Variants in KCNH8 observed in about 807,000 individuals in gnomAD.
KCNH8 encodes the protein potassium voltage-gated channel subfamily H member 8.
KCNH8 carries 70 observed loss-of-function variants against 103.6 expected under a neutral mutation model. The ratio of observed to expected loss-of-function variants is 0.68; its 90% confidence interval spans 0.56 to 0.82. The LOEUF (loss-of-function observed/expected upper bound fraction) is 0.82. Among genes scored for constraint, KCNH8 ranks in the 40% least tolerant of loss-of-function variants. The pLI, the probability that KCNH8 is intolerant of heterozygous loss-of-function variation, is 0.00. For missense variants in KCNH8, 1,217 were observed against 1,329.9 expected, an observed-to-expected ratio of 0.92 and a Z score of 1.32; for synonymous variants, 498 against 489.4, an observed-to-expected ratio of 1.02 and a Z score of -0.23.
intron 1 of KCNH8, among the ~76,000 whole-genome samples, chr3:19,183,735 G>T (rs901039980): frequency 2.6e-5 from 4 of 152,044 alleles, no homozygotes; most frequent in African/African-American, 9.7e-5. Context: ...ACAAAATAAG[G>T]CATACAGAAT....
intron 7 of KCNH8, among the ~76,000 whole-genome samples, chr3:19,426,749 A>G (rs1001404181): frequency 3.3e-5 from 5 of 152,184 alleles, no homozygotes; most frequent in Non-Finnish European, 7.4e-5. Flanking sequence ...CTTCTTAGCA[A>G]TCAGCCACTT....
chr3:19,401,921 C>T (rs371979694), intron 7 of KCNH8, among the ~76,000 whole-genome samples: 54 of 151,746 alleles, frequency 3.6e-4, no homozygotes, highest in Admixed American at 9.2e-4. Context: ...CAAGTTGCCA[C>T]GGTTGCTTAA....
intron 1 of KCNH8, among the ~76,000 whole-genome samples, chr3:19,207,212 T>TA (rs1006045108): frequency 4.0e-5 from 6 of 151,804 alleles, no homozygotes; most frequent in Admixed American, 2.6e-4. Flanking sequence ...GCATCAGGGG[T>TA]AAAAAAAGAG....
intron 1 of KCNH8, among the ~76,000 whole-genome samples, chr3:19,155,146 A>G (rs941070316): frequency 6.6e-6 from 1 of 152,208 alleles, no homozygotes; most frequent in South Asian, 2.1e-4. Context: ...CCCCAAATGA[A>G]CTAATAATCT....
intron 3 of KCNH8, among the ~76,000 whole-genome samples, chr3:19,293,424 A>G (rs956965546): frequency 4.6e-5 from 7 of 152,190 alleles, no homozygotes; most frequent in African/African-American, 1.7e-4. Flanking sequence ...AATCCTTACT[A>G]TTCAAAGTGT....
At chr3:19,355,731 C>T (rs7622593) in intron 5 of KCNH8, among the ~76,000 whole-genome samples, 5,947 of 151,800 alleles carry the variant, frequency 0.039, 151 homozygotes, top group East Asian at 0.11. Context: ...CAGGGCCTGT[C>T]GTGCAGTGGG....
At chr3:19,299,434 G>A (rs1010987297) in intron 3 of KCNH8, among the ~76,000 whole-genome samples, 8 of 151,958 alleles carry the variant, frequency 5.3e-5, no homozygotes, top group Non-Finnish European at 7.4e-5. Context: ...GTTCGAGTAC[G>A]GATTGGGCAA....
chr3:19,513,383 T>C lies in KCNH8; in HGVS notation c.2435+58T>C, dbSNP rs528622143. On this transcript the variant is annotated intron_variant, in intron 13 of 15. Coordinates refer to ENST00000328405, the MANE Select transcript of KCNH8 (RefSeq NM_144633.3). ...GAACGTGGCTGCCTTTTATACAGAGTAGTACCTGCCTTCAGCCTTCTGAGC... is the reference window on the plus strand; with the variant it reads ...GAACGTGGCTGCCTTTTATACAGAGCAGTACCTGCCTTCAGCCTTCTGAGC... 1.7e-4 allele frequency: 258 copies of C among 1,520,228 alleles called. No individual in the cohort carries two copies. The African/African-American group carries it at 2.5e-3, about 15-fold the overall frequency. The allele number at this position is 1,520,228 out of a possible 1,614,324, so 94.2% of individuals were successfully genotyped here. A position where few individuals can be genotyped will look rare whatever the true frequency, so the allele number is the denominator to read the frequency against.
chr3:19,398,044 T>A (rs1423288433), intron 7 of KCNH8, among the ~76,000 whole-genome samples: 1 of 151,960 alleles, frequency 6.6e-6, no homozygotes, highest in African/African-American at 2.4e-5. Context: ...AAATATTTGA[T>A]GAGAGAGCAT....
At chr3:19,341,982 G>A (rs1355074975) in intron 3 of KCNH8, among the ~76,000 whole-genome samples, 1 of 152,024 alleles carries the variant, frequency 6.6e-6, no homozygotes, top group Non-Finnish European at 1.5e-5. Flanking sequence ...TGGCCACACA[G>A]ATTTTGACAA....
chr3:19,438,402 G>A (rs748640969), intron 8 of KCNH8, 41 bp downstream of exon 8: 1 of 1,520,052 alleles, frequency 6.6e-7, no homozygotes, highest in South Asian at 1.1e-5. Flanking sequence ...GAGGAACTAT[G>A]CCTACCTAAC....
intron 11 of KCNH8, among the ~76,000 whole-genome samples, chr3:19,502,930 A>T (rs1043330627): frequency 6.6e-6 from 1 of 152,152 alleles, no homozygotes; most frequent in Non-Finnish European, 1.5e-5. Flanking sequence ...GACAAATGGG[A>T]TCTAACTAAA....
At chr3:19,371,638 G>T (rs1326622311) in intron 5 of KCNH8, among the ~76,000 whole-genome samples, 4 of 150,356 alleles carry the variant, frequency 2.7e-5, no homozygotes, top group Admixed American at 6.6e-5. Context: ...GTCAATTTTG[G>T]CTTTTGTTGC....
chr3:19,229,329 A>T (rs1171150973), intron 1 of KCNH8, among the ~76,000 whole-genome samples: 1 of 152,210 alleles, frequency 6.6e-6, no homozygotes, highest in Non-Finnish European at 1.5e-5. Context: ...GAGGTTCTCC[A>T]TGAGTGCCCT....
chr3:19,321,340 A>G (rs1379375045), intron 3 of KCNH8, among the ~76,000 whole-genome samples: 3 of 151,952 alleles, frequency 2.0e-5, no homozygotes, highest in Non-Finnish European at 4.4e-5. Flanking sequence ...CTTTTCTCTT[A>G]GCACTGTCTT....
At chr3:19,532,229 T>C (rs867740299) in intron 15 of KCNH8, among the ~76,000 whole-genome samples, 4 of 152,210 alleles carry the variant, frequency 2.6e-5, no homozygotes, top group Non-Finnish European at 4.4e-5. Flanking sequence ...GTTTGGGCCA[T>C]GACAGCTAAA....
intron 3 of KCNH8, among the ~76,000 whole-genome samples, chr3:19,307,539 G>C (rs2065146379): frequency 6.6e-6 from 1 of 151,916 alleles, no homozygotes; most frequent in Admixed American, 6.6e-5. Context: ...CCACTCCTGG[G>C]AATTTATCCA....
intron 3 of KCNH8, among the ~76,000 whole-genome samples, chr3:19,282,267 T>C (rs1421902942): frequency 6.6e-6 from 1 of 152,130 alleles, no homozygotes; most frequent in African/African-American, 2.4e-5. Context: ...TGCATGTCTG[T>C]TTTGCTGTAT....
chr3:19,456,713 A>G, intron 10 of KCNH8, 55 bp from the exon 11 acceptor site: 1 of 1,143,218 alleles, frequency 8.7e-7, no homozygotes, highest in South Asian at 1.3e-5. Flanking sequence ...AAATGAGGTT[A>G]TCAGTCCTAA....
Sources: allele counts gnomAD v4.1 joint callset (sites outside exome capture counted in the v4.1 genomes callset), GRCh38; gene constraint gnomAD v4.1.1; transcripts MANE v1.5; gene names NCBI Gene and HGNC (gene_info 2026-07-23, HGNC 2026-07-21).